Variants in TBKBP1 observed in about 807,000 individuals in gnomAD.
TBKBP1 encodes the protein TBK1 binding protein 1, also known as TANK-binding kinase 1-binding protein 1.
A neutral mutation model predicts 69.9 loss-of-function variants in TBKBP1; 47 were observed. The observed-to-expected ratio is 0.67, with a 90% CI of 0.53 to 0.86. The LOEUF is 0.86. Ranked by LOEUF, TBKBP1 falls within the 40% of genes least tolerant of loss-of-function variation. The pLI, the probability that TBKBP1 is intolerant of heterozygous loss-of-function variation, is 0.00. For missense variants in TBKBP1, 831 were observed against 858.6 expected, an observed-to-expected ratio of 0.97 and a Z score of 0.40; for synonymous variants, 418 against 390.3, an observed-to-expected ratio of 1.07 and a Z score of -0.84.
chr17:47,710,837 C>G lies in TBKBP1; in HGVS notation c.*211C>G. ...CTGGGAGGTCAGCCGAGGCTCCCCC[C>G]ATGCTCCTGGTTTCTGCTTAGGAGG... On this transcript the variant is annotated 3_prime_UTR_variant, in exon 10 of 10. Transcript: ENST00000578982. The G allele has an allele frequency of 1.6e-6, 1 of 607,448 alleles. No homozygotes were observed. The highest frequency in any genetic ancestry group is 2.6e-6 in the Non-Finnish European group (1 of 378,430). The allele number at this position is 607,448 out of a possible 1,614,324, so 37.6% of individuals were successfully genotyped here.
chr17:47,710,640 C>A lies in TBKBP1; in HGVS notation c.*14C>A. On this transcript the variant is annotated 3_prime_UTR_variant, in exon 10 of 10. Transcript: ENST00000578982. ...AGCAAGATCTAGGGCACCAGCCCCA[C>A]CCACTGGCTGTTTCTCCGTCCTCTC... The A allele has an allele frequency of 6.3e-7, 1 of 1,590,174 alleles. No homozygotes were observed. The highest frequency in any genetic ancestry group is 8.6e-7 in the Non-Finnish European group (1 of 1,160,668).
chr17:47,698,416 G>A (rs1428420742), intron 4 of TBKBP1, among the ~76,000 whole-genome samples, 179 bp from the exon 5 acceptor site: 1 of 152,212 alleles, frequency 6.6e-6, no homozygotes, highest in Non-Finnish European at 1.5e-5. Flanking sequence ...CTCGCCAGGG[G>A]CAACAGCCCG....
chr17:47,699,300 G>T lies in TBKBP1; in HGVS notation c.635-20G>T, dbSNP rs776978125. ...GAGGAGGCAGCTGAGCTCGCCTGAC[G>T]TTGTCCTGTCCACCGACAGCAGGCT... On this transcript the variant is annotated intron_variant, in intron 5 of 9. Transcript: ENST00000578982. 2.0e-6 allele frequency: 3 copies of T among 1,507,290 alleles called. No homozygotes were observed. Among genetic ancestry groups the T allele is most frequent in the Non-Finnish European group, 2.6e-6 (3 of 1,133,840 alleles). 93.4% of individuals were successfully genotyped at this position (1,507,290 alleles called of 1,614,324 possible).
At position 47,696,312 on chromosome 17, in the gene TBKBP1, G is replaced by A. The variant is rs547136240; in HGVS notation, c.200G>A (p.Arg67His). The change falls in exon 2 of 10, where the codon CGC becomes CAC. Residue 67 changes from arginine (R) to histidine (H), a missense_variant. Transcript: ENST00000578982. ...GLERENATLR[R>H]RLKVYEIKYP... ...GAGAGGGAGAACGCCACCCTCCGAC[G>A]CCGCCTCAAAGTCTACGAGATCAAG... 14 of 1,613,134 alleles carry A rather than the reference G, an allele frequency of 8.7e-6. No individual in the cohort carries two copies. The highest frequency in any genetic ancestry group is 6.7e-5 in the Admixed American group (4 of 60,012).
chr17:47,705,366 G>A (rs771797471), intron 7 of TBKBP1, among the ~76,000 whole-genome samples: 3 of 152,236 alleles, frequency 2.0e-5, no homozygotes, highest in South Asian at 2.1e-4. Flanking sequence ...TGGCAATGCC[G>A]TAGGGTTGTT....
intron 7 of TBKBP1, among the ~76,000 whole-genome samples, chr17:47,703,168 C>T (rs528965093): frequency 6.6e-6 from 1 of 152,188 alleles, no homozygotes; most frequent in East Asian, 1.9e-4. Context: ...ACGTTGGGGG[C>T]TCAGCGCTGC....
At position 47,708,755 on chromosome 17, in the gene TBKBP1, ACTCCCCGGCCCCCCAGTGCCC is replaced by A; in HGVS notation, c.1029_1049del (p.Ala344_Pro350del). ...AGGCACTCGCCGCTGTCACAACGCC[ACTCCCCGGCCCCCCAGTGCCC>A]CTCCCCCTCCCCGCCTGCCCGAGCG... is the stretch of plus-strand genomic sequence containing the variant. On this transcript the variant is annotated inframe_deletion, in exon 9 of 10. Coordinates refer to ENST00000578982, the MANE Select transcript of TBKBP1 (RefSeq NM_001394755.1). This position sits in a 1 kb window ranked among gnomAD's most constrained non-coding sequence, Gnocchi z 4.4. The A allele has an allele frequency of 2.2e-6, 3 of 1,360,712 alleles. No homozygotes were observed. The highest frequency in any genetic ancestry group is 2.9e-6 in the Non-Finnish European group (3 of 1,049,262). The allele number at this position is 1,360,712 out of a possible 1,614,324, so 84.3% of individuals were successfully genotyped here.
In TBKBP1 at chr17:47,698,662, G is replaced by C. The variant is rs1160318728; in HGVS notation, c.521G>C (p.Gly174Ala). Residue 174 changes from glycine (G) to alanine (A), a missense_variant, in exon 5 of 10, where the codon GGC (glycine) becomes GCC (alanine). Coordinates refer to ENST00000578982, the MANE Select transcript of TBKBP1 (RefSeq NM_001394755.1). ...GAGCAGCAGCTGCGGCAACAGCAAG[G>C]CCTCCAGGATGCAGCCTTCTCCAAC... The part of the protein sequence containing the change: ...GLEQQLRQQQ[G>A]LQDAAFSNLS... 1 of 1,603,334 alleles carries C rather than the reference G, an allele frequency of 6.2e-7. No homozygotes were observed. Among genetic ancestry groups the C allele is most frequent in the Non-Finnish European group, 8.5e-7 (1 of 1,175,204 alleles).
intron 4 of TBKBP1, 137 bp downstream of exon 4, chr17:47,697,330 C>T: frequency 1.3e-6 from 1 of 755,746 alleles, no homozygotes; most frequent in South Asian, 1.7e-5. Flanking sequence ...TGTTTGTGCC[C>T]TGCTTGTGTT....
At position 47,710,679 on chromosome 17, in the gene TBKBP1, A is replaced by T. The variant is rs2031894950; in HGVS notation, c.*53A>T. On this transcript the variant is annotated 3_prime_UTR_variant, in exon 10 of 10. Transcript: ENST00000578982. ...CTCCGTCCTCTCCTATCACCCCCAAACACTCACTTTGAATGCTGCATGAAT... is the reference window on the plus strand; with the variant it reads ...CTCCGTCCTCTCCTATCACCCCCAATCACTCACTTTGAATGCTGCATGAAT... The T allele has an allele frequency of 6.4e-7, 1 of 1,566,900 alleles. No individual in the cohort carries two copies. The highest frequency in any genetic ancestry group is 1.1e-5 in the South Asian group (1 of 88,284).
At position 47,696,906 on chromosome 17, in the gene TBKBP1, C is replaced by A. The variant is rs2031270003; in HGVS notation, c.348+73C>A. 5 of 1,576,906 alleles carry A rather than the reference C, an allele frequency of 3.2e-6. No homozygotes were observed. In the South Asian group the frequency reaches 5.8e-5, roughly 18 times the overall value. ...TGTTTCTGATACCCTTCCCTCCACACCCCCCAGCATCTGGCCTCTGCCCTT... is the reference window on the plus strand; with the variant it reads ...TGTTTCTGATACCCTTCCCTCCACAACCCCCAGCATCTGGCCTCTGCCCTT... On this transcript the variant is annotated intron_variant, in intron 3 of 9. Transcript: ENST00000578982.
intron 2 of TBKBP1, 70 bp from the exon 3 acceptor site, chr17:47,696,641 G>C: frequency 6.2e-7 from 1 of 1,607,662 alleles, no homozygotes; most frequent in South Asian, 1.1e-5. Flanking sequence ...TGGGTTGGGG[G>C]CACAGCCAGG....
chr17:47,701,362 C>CAG (rs1301492855), intron 7 of TBKBP1, among the ~76,000 whole-genome samples: 2 of 151,452 alleles, frequency 1.3e-5, no homozygotes, highest in Admixed American at 6.6e-5. Flanking sequence ...CAGACACACA[C>CAG]ACACACACAC....
intron 4 of TBKBP1, among the ~76,000 whole-genome samples, chr17:47,697,923 TG>T (rs2031313486): frequency 8.0e-6 from 1 of 125,262 alleles, no homozygotes; most frequent in Non-Finnish European, 1.6e-5. Context: ...CACTCCAGCC[TG>T]GGTGACATAG....
intron 1 of TBKBP1, chr17:47,695,434 C>G (rs1345273952): frequency 6.6e-6 from 1 of 152,382 alleles, no homozygotes; most frequent in East Asian, 1.9e-4. Flanking sequence ...GTTTGCGCCC[C>G]GTAACACTCA....
intron 4 of TBKBP1, 24 bp from the exon 5 acceptor site, chr17:47,698,571 C>T: frequency 1.9e-6 from 3 of 1,560,552 alleles, no homozygotes; most frequent in Non-Finnish European, 2.6e-6. Flanking sequence ...CTGTGCAGAC[C>T]CTCCCCTCTG....
intron 1 of TBKBP1, chr17:47,695,116 G>C (rs1406154539): frequency 6.5e-6 from 1 of 152,812 alleles, no homozygotes; most frequent in Non-Finnish European, 1.5e-5. Context: ...ACGCACGCGT[G>C]CACACACCAG....
chr17:47,709,168 C>A lies in TBKBP1; in HGVS notation c.1435C>A (p.Leu479Met). Residue 479 changes from leucine to methionine, a missense_variant, in exon 9 of 10, where the codon CTG (leucine) becomes ATG (methionine). Physicochemically the swap from Leu to Met is conservative, Grantham distance 15. Coordinates refer to ENST00000578982, the MANE Select transcript of TBKBP1 (RefSeq NM_001394755.1). ...AAYAGASPPW[L>M]QAEAATLPKP... ...CTACGCGGGCGCCTCCCCGCCCTGG[C>A]TGCAGGCCGAAGCGGCCACTCTCCC... 7 of 1,450,006 alleles carry A rather than the reference C, an allele frequency of 4.8e-6. No homozygotes were observed. The highest frequency in any genetic ancestry group is 4.5e-6 in the Non-Finnish European group (5 of 1,109,902). The allele number at this position is 1,450,006 out of a possible 1,614,324, so 89.8% of individuals were successfully genotyped here.
chr17:47,703,623 C>T (rs761260517), intron 7 of TBKBP1, among the ~76,000 whole-genome samples: 4 of 152,144 alleles, frequency 2.6e-5, no homozygotes, highest in Non-Finnish European at 5.9e-5. Context: ...CCCCCTCCCT[C>T]GATGGGAAAC....
Sources: gnomAD v4.1 joint callset for allele counts (sites outside exome capture counted in the v4.1 genomes callset) on GRCh38, gnomAD v4.1.1 for gene constraint, Gnocchi (gnomAD v3.1) non-coding constraint, MANE v1.5 for transcripts, NCBI Gene and HGNC (gene_info 2026-07-23, HGNC 2026-07-21) for gene names.